PCNT: variants seen among roughly 807,000 people sequenced by gnomAD.
The protein encoded by PCNT is pericentrin.
In PCNT, 319 loss-of-function variants were observed where a neutral mutation model predicts 380.4. The ratio of observed to expected loss-of-function variants is 0.84; its 90% confidence interval spans 0.77 to 0.92. PCNT has a LOEUF of 0.92. Ranked by LOEUF, PCNT falls within the 40% of genes least tolerant of loss-of-function variation. The probability of loss-of-function intolerance (pLI) is 0.00; values close to 1 mark genes in which losing one functional copy is unlikely to be tolerated. For missense variants in PCNT, 4,400 were observed against 4,255.3 expected (o/e 1.03, Z -0.95); for synonymous variants, 1,845 against 1,735.2 (o/e 1.06, Z -1.57).
intron 21 of PCNT, among the ~76,000 whole-genome samples, chr21:46,392,802 C>T (rs897511468): frequency 1.1e-4 from 17 of 152,170 alleles, no homozygotes; most frequent in African/African-American, 2.9e-4. Flanking sequence ...CTGTCATTCT[C>T]GTTTATCCCG....
chr21:46,359,478 C>CTTTTTTTTTTTTTT (rs1439114322), intron 13 of PCNT, among the ~76,000 whole-genome samples: 6 of 72,602 alleles, frequency 8.3e-5, no homozygotes, highest in Non-Finnish European at 1.7e-4. Flanking sequence ...AAAAATACAC[C>CTTTTTTTTTTTTTT]TGTTTTTTTT....
rs763712724 is a variant in PCNT at position 46,398,119 on chromosome 21, C to T, written c.4552C>T (p.Arg1518Cys). 5.0e-6 allele frequency: 8 copies of T among 1,605,484 alleles called. No homozygotes were observed. The highest frequency in any genetic ancestry group is 1.3e-5 in the African/African-American group (1 of 74,782). Residue 1518 changes from arginine to cysteine, a missense_variant, in exon 23 of 47, where the codon CGC (arginine) becomes TGC (cysteine). By Grantham distance (180) the Arg-to-Cys change is radical. Transcript: ENST00000359568. Reference protein sequence around the residue: ...QAAKPQPWGPRDSQQAPLDGE... With the variant: ...QAAKPQPWGPCDSQQAPLDGE... ...GGCCAAGCCGCAGCCCTGGGGCCCT[C>T]GCGACAGCCAGGTGAGTCAGTGCAG...
At chr21:46,352,378 C>T (rs1259191315) in intron 9 of PCNT, among the ~76,000 whole-genome samples, 1 of 152,156 alleles carries the variant, frequency 6.6e-6, no homozygotes, top group Non-Finnish European at 1.5e-5. Flanking sequence ...CTGTCTGTCG[C>T]TGGAGGCTGG....
Position 46,381,749 on chromosome 21 carries a change from G to A in PCNT, c.3221G>A (p.Arg1074Gln), listed in dbSNP as rs756810982. Residue 1074 changes from arginine to glutamine, a missense_variant, in exon 16 of 47, where the codon CGG becomes CAG. By Grantham distance (43) the Arg-to-Gln change is conservative. Transcript: ENST00000359568. ...TALHEKEETL[R>Q]LQSAQAQPFH... is the part of the protein sequence containing the mutation. Reference sequence around the variant, plus strand: ...TTGCATGAAAAAGAGGAGACACTTCGGCTTCAGAGTGCACAGGCACAGCCT... The same window carrying A: ...TTGCATGAAAAAGAGGAGACACTTCAGCTTCAGAGTGCACAGGCACAGCCT... 126 of 1,613,932 alleles carry A rather than the reference G, an allele frequency of 7.8e-5. No homozygotes were observed. The highest frequency in any genetic ancestry group is 1.3e-4 in the East Asian group (6 of 44,904).
chr21:46,397,292 C>T lies in PCNT; in HGVS notation c.4244C>T (p.Thr1415Ile), dbSNP rs2086241608. The T allele has an allele frequency of 2.5e-6, 4 of 1,614,058 alleles. No homozygotes were observed. The Middle Eastern group carries it at 6.6e-4, about 266-fold the overall frequency. Residue 1415 changes from threonine to isoleucine, a missense_variant, in exon 22 of 47, where the codon ACC (threonine) becomes ATC (isoleucine). Coordinates refer to ENST00000359568, the MANE Select transcript of PCNT (RefSeq NM_006031.6). ...CTCCGGAAGGAAGTGGAGGATCTGA[C>T]CAAAGAACAGTCGGAGACCAGGAAG... is the stretch of plus-strand genomic sequence containing the variant. ...AALRKEVEDLTKEQSETRKQA... is the reference protein window; with the variant it reads ...AALRKEVEDLIKEQSETRKQA...
intron 21 of PCNT, among the ~76,000 whole-genome samples, chr21:46,392,456 A>G (rs772378484): frequency 6.6e-5 from 10 of 152,148 alleles, no homozygotes; most frequent in Non-Finnish European, 1.3e-4. Flanking sequence ...CCTGACCTCA[A>G]GTGATCTGCC....
chr21:46,333,977 C>A (rs533776156), intron 2 of PCNT, among the ~76,000 whole-genome samples: 1 of 151,950 alleles, frequency 6.6e-6, no homozygotes, highest in Non-Finnish European at 1.5e-5. Context: ...GAGGCCAAGG[C>A]GGGCGGATCA....
At chr21:46,434,946 C>T (rs893052858) in intron 38 of PCNT, among the ~76,000 whole-genome samples, 62 of 152,146 alleles carry the variant, frequency 4.1e-4, no homozygotes, top group Middle Eastern at 3.2e-3. Flanking sequence ...TTGGACCCCG[C>T]GTGCTTGCCC....
Position 46,398,246 on chromosome 21 carries a change from G to A in PCNT, c.4575G>A (p.Leu1525=). ...CATGAAATCGGCAGCAGGCGCCGCT[G>A]GATGGAGAGGTGAGGAGGCGTCAAC... is the stretch of plus-strand genomic sequence containing the variant. ...WGPRDSQQAP[L]DGEVELLQQK... Residue 1525 remains leucine (L), a synonymous_variant, in exon 24 of 47, where the codon CTG becomes CTA. Coordinates refer to ENST00000359568, the MANE Select transcript of PCNT (RefSeq NM_006031.6). 1.2e-6 allele frequency: 2 copies of A among 1,606,710 alleles called. No homozygotes were observed. The highest frequency in any genetic ancestry group is 2.2e-5 in the East Asian group (1 of 44,714).
At chr21:46,365,974 A>G (rs1233927979) in intron 14 of PCNT, among the ~76,000 whole-genome samples, 14 of 130,320 alleles carry the variant, frequency 1.1e-4, no homozygotes, top group South Asian at 7.8e-4. Context: ...GTTCACTGCC[A>G]TGGGGTTCTA....
In PCNT at chr21:46,416,188, T is replaced by C. The variant is rs749943104; in HGVS notation, c.6270T>C (p.Asp2090=). ...LLYSMTFQNV[D]AADTKSLWPM... The stretch of plus-strand genomic sequence containing the variant: ...ATTCCATGACCTTCCAGAATGTGGA[T>C]GCTGCCGACACCAAATCTCTGTGGC... The change falls in exon 30 of 47, where the codon GAT becomes GAC. Residue 2090 remains aspartate (D), a synonymous_variant. Transcript: ENST00000359568. The C allele has an allele frequency of 6.2e-5, 100 of 1,614,212 alleles. No homozygotes were observed. The highest frequency in any genetic ancestry group is 8.3e-5 in the Non-Finnish European group (98 of 1,180,024).
At chr21:46,392,620 T>A (rs2086072172) in intron 21 of PCNT, among the ~76,000 whole-genome samples, 1 of 152,260 alleles carries the variant, frequency 6.6e-6, no homozygotes, top group Non-Finnish European at 1.5e-5. Flanking sequence ...CTCCTCGTGG[T>A]GCCCCAGCCT....
rs2086266113 is a variant in PCNT, at chr21:46,398,051, TC to T, written c.4486del (p.Gln1496SerfsTer41). The stretch of plus-strand genomic sequence containing the variant: ...GAGCGGGAGCACGAGCGCGAGGAGT[TC>T]CAGCAGGAGATTCAGAGGCTGGAGG... ...AAEREHEREE[F>X]QQEIQRLEGQ... On this transcript the variant is annotated frameshift_variant, in exon 23 of 47. Transcript: ENST00000359568. LOFTEE classifies it high-confidence loss of function. 6.3e-7 allele frequency: 1 copy of T among 1,596,662 alleles called. No individual in the cohort carries two copies. The highest frequency in any genetic ancestry group is 1.1e-5 in the South Asian group (1 of 88,784).
At chr21:46,404,367 T>C (rs1300089285) in intron 27 of PCNT, among the ~76,000 whole-genome samples, 2 of 144,824 alleles carry the variant, frequency 1.4e-5, no homozygotes, top group Non-Finnish European at 3.1e-5. Context: ...TTCTGTCGGC[T>C]CTGTTTTGAT....
At chr21:46,325,926 C>CT (rs1220425599) in intron 1 of PCNT, among the ~76,000 whole-genome samples, 13 of 152,234 alleles carry the variant, frequency 8.5e-5, no homozygotes, top group African/African-American at 2.4e-4. Context: ...TTTGCTATTT[C>CT]TGTATCTTGT....
chr21:46,411,808 C>T lies in PCNT; in HGVS notation c.5735C>T (p.Ala1912Val). 1 of 1,586,474 alleles carries T rather than the reference C, an allele frequency of 6.3e-7. No homozygotes were observed. Among genetic ancestry groups the T allele is most frequent in the Non-Finnish European group, 8.5e-7 (1 of 1,170,570 alleles). ...GCCCTGGAGCAGCAGCCCCTGGCAG[C>T]CGGGGCGGCGCCTCCCGAGCTGCAG... ...RRALEQQPLA[A>V]GAAPPELQWL... Residue 1912 changes from alanine to valine, a missense_variant, in exon 28 of 47, where the codon GCC (alanine) becomes GTC (valine). Transcript: ENST00000359568.
chr21:46,329,744 A>G (rs2083497083), intron 2 of PCNT, among the ~76,000 whole-genome samples: 1 of 152,234 alleles, frequency 6.6e-6, no homozygotes, highest in Non-Finnish European at 1.5e-5. Context: ...GCCAAGGTAA[A>G]GCATTCTGTT....
chr21:46,366,601 A>G lies in PCNT; in HGVS notation c.2627A>G (p.Lys876Arg). Residue 876 changes from lysine (K) to arginine (R), a missense_variant, in exon 15 of 47, where the codon AAA (lysine) becomes AGA (arginine). Coordinates refer to ENST00000359568, the MANE Select transcript of PCNT (RefSeq NM_006031.6). ...LARSRFLEER[K>R]EITEKFSAEQ... is the part of the protein sequence containing the mutation. ...TGCCGCAGGTTTTTAGAGGAACGTA[A>G]AGAGATCACCGAGAAATTCAGTGCG... 6.2e-7 allele frequency: 1 copy of G among 1,614,032 alleles called. No homozygotes were observed. Among genetic ancestry groups the G allele is most frequent in the Non-Finnish European group, 8.5e-7 (1 of 1,179,964 alleles).
intron 8 of PCNT, among the ~76,000 whole-genome samples, chr21:46,350,583 G>T (rs893339873): frequency 6.6e-6 from 1 of 152,200 alleles, no homozygotes; most frequent in Non-Finnish European, 1.5e-5. Flanking sequence ...TCAGAGATAG[G>T]GTTAATCGTG....
Sources: allele counts gnomAD v4.1 joint callset (sites outside exome capture counted in the v4.1 genomes callset), GRCh38; gene constraint gnomAD v4.1.1; transcripts MANE v1.5; gene names NCBI Gene and HGNC (gene_info 2026-07-23, HGNC 2026-07-21).